NRXN2: variants seen among roughly 807,000 people sequenced by gnomAD.
The protein encoded by NRXN2 is neurexin 2.
A neutral mutation model predicts 128.8 loss-of-function variants in NRXN2; 29 were observed. That is an observed-to-expected ratio of 0.23 (90% confidence interval 0.17 to 0.31). NRXN2 has a LOEUF of 0.31. Among genes scored for constraint, NRXN2 ranks in the 10% least tolerant of loss-of-function variants. NRXN2 has a pLI of 1.00. For missense variants in NRXN2, 1,881 were observed against 2,452.6 expected (o/e 0.77, Z 4.92); for synonymous variants, 1,098 against 1,075.2 (o/e 1.02, Z -0.41).
intron 3 of NRXN2, among the ~76,000 whole-genome samples, chr11:64,695,516 G>A (rs977369270): frequency 6.6e-6 from 1 of 151,964 alleles, no homozygotes; most frequent in Non-Finnish European, 1.5e-5. Context: ...AGAGGAGGCC[G>A]CCAGCCCAGC....
intron 21 of NRXN2, among the ~76,000 whole-genome samples, chr11:64,620,916 G>A (rs1006050985): frequency 6.6e-6 from 1 of 151,594 alleles, no homozygotes; most frequent in Non-Finnish European, 1.5e-5. Flanking sequence ...GACAAGAGAA[G>A]ACTTTGTCAG....
In NRXN2 at chr11:64,660,768, G is replaced by A. The variant is rs765856391; in HGVS notation, c.2170C>T (p.Arg724Trp). 5 of 1,612,372 alleles carry A rather than the reference G, an allele frequency of 3.1e-6. No homozygotes were observed. The highest frequency in any genetic ancestry group is 1.1e-5 in the South Asian group (1 of 91,086). The change falls in exon 10 of 23, where the codon CGG (arginine) becomes TGG (tryptophan). Residue 724 changes from arginine to tryptophan, a missense_variant. Transcript: ENST00000265459. The surrounding 1 kb of genome is among the most constrained non-coding windows in gnomAD (Gnocchi z 5.2). The stretch of plus-strand genomic sequence containing the variant: ...CCAGCCTCACCTCTCTCACAGACCC[G>A]CCCAAGAAAGCCGGTCCCGATGCAG... ...CDCIGTGFLGRVCEREATVLS... is the reference protein window; with the variant it reads ...CDCIGTGFLGWVCEREATVLS...
intron 18 of NRXN2, among the ~76,000 whole-genome samples, chr11:64,633,939 C>T (rs2044309526): frequency 6.6e-6 from 1 of 152,222 alleles, no homozygotes; most frequent in South Asian, 2.1e-4. Flanking sequence ...ACTTCCACCC[C>T]AGCTCTGCTC....
chr11:64,642,713 G>T (rs1268935236), intron 17 of NRXN2: 2 of 1,446,944 alleles, frequency 1.4e-6, no homozygotes, highest in Non-Finnish European at 1.8e-6. Context: ...AGCAGAGGTG[G>T]CGGCGGCGGC....
intron 11 of NRXN2, chr11:64,659,370 T>A (rs1412241982): frequency 2.6e-5 from 4 of 152,314 alleles, no homozygotes; most frequent in Non-Finnish European, 5.9e-5. Context: ...GTGAACCTGC[T>A]GTTTTCTTTT....
chr11:64,698,253 T>C (rs579175), intron 2 of NRXN2, among the ~76,000 whole-genome samples: 9,821 of 152,210 alleles, frequency 0.065, 1,089 homozygotes, highest in African/African-American at 0.22. Flanking sequence ...GACACACTCA[T>C]GCTCAGTGAC....
intron 19 of NRXN2, among the ~76,000 whole-genome samples, chr11:64,627,643 TG>T (rs1565219698): frequency 6.6e-6 from 1 of 152,022 alleles, no homozygotes; most frequent in Non-Finnish European, 1.5e-5. Context: ...GGAAAGGGAA[TG>T]TGTGTGAATG....
In NRXN2 at chr11:64,648,091, A is replaced by C; in HGVS notation, c.3403+128T>G. 7.5e-7 allele frequency: 1 copy of C among 1,337,492 alleles called. No individual in the cohort carries two copies. The highest frequency in any genetic ancestry group is 1.2e-5 in the South Asian group (1 of 81,830). The allele number at this position is 1,337,492 out of a possible 1,614,324, so 82.9% of individuals were successfully genotyped here. On this transcript the variant is annotated intron_variant, in intron 17 of 22. Transcript: ENST00000265459. The surrounding 1 kb of genome is among the most constrained non-coding windows in gnomAD (Gnocchi z 4.1). Reference sequence around the variant, plus strand: ...CAGCTCCCCTGGGACTCTGCAGACAAGGGATGAGAAGGAAGAAGCAGCACA... The same window carrying C: ...CAGCTCCCCTGGGACTCTGCAGACACGGGATGAGAAGGAAGAAGCAGCACA...
rs71579858 is a variant in NRXN2 at position 64,652,163 on chromosome 11, C to T, written c.2417-9G>A. 3 of 1,610,356 alleles carry T rather than the reference C, an allele frequency of 1.9e-6. No individual in the cohort carries two copies. Among genetic ancestry groups the T allele is most frequent in the Non-Finnish European group, 1.7e-6 (2 of 1,179,426 alleles). Reference sequence around the variant, plus strand: ...CGTTTCGGGGCCTTTACCTGCGGCACCAAGGGGGGAATGAGGAGGGCACCT... The same window carrying T: ...CGTTTCGGGGCCTTTACCTGCGGCATCAAGGGGGGAATGAGGAGGGCACCT... On this transcript the variant is annotated splice_polypyrimidine_tract_variant and intron_variant, in intron 12 of 22. Coordinates refer to ENST00000265459, the MANE Select transcript of NRXN2 (RefSeq NM_015080.4).
Position 64,607,911 on chromosome 11 carries a change from C to A in NRXN2, c.4424G>T (p.Gly1475Val). 1 of 1,563,440 alleles carries A rather than the reference C, an allele frequency of 6.4e-7. No homozygotes were observed. Among genetic ancestry groups the A allele is most frequent in the African/African-American group, 1.4e-5 (1 of 73,814 alleles). The change falls in exon 23 of 23, where the codon GGC becomes GTC. Residue 1475 changes from glycine (G) to valine (V), a missense_variant. Physicochemically the swap from Gly to Val is moderately radical, Grantham distance 109. Coordinates refer to ENST00000265459, the MANE Select transcript of NRXN2 (RefSeq NM_015080.4). ...GTCGTCCCGCTCGGCCTGGCACGGGCCCCCAGAGGGCGGGCGGCGCGCGGC... is the reference window on the plus strand; with the variant it reads ...GTCGTCCCGCTCGGCCTGGCACGGGACCCCAGAGGGCGGGCGGCGCGCGGC... ...PPAARRPPSGGPCQAERDDSD... is the reference protein window; with the variant it reads ...PPAARRPPSGVPCQAERDDSD...
chr11:64,642,512 G>C (rs2045855860), intron 17 of NRXN2: 2 of 1,599,280 alleles, frequency 1.3e-6, no homozygotes, highest in African/African-American at 1.4e-5. Flanking sequence ...GGCCAACCGG[G>C]TGGCCGGCAT....
At chr11:64,686,040 C>T in intron 5 of NRXN2, 93 bp from the exon 6 acceptor site, 1 of 1,431,104 alleles carries the variant, frequency 7.0e-7, no homozygotes, top group Non-Finnish European at 9.7e-7. Context: ...AGGCACTGGT[C>T]CTGGGCACCA....
At chr11:64,709,664 A>G (rs1299399286) in intron 2 of NRXN2, among the ~76,000 whole-genome samples, 1 of 152,102 alleles carries the variant, frequency 6.6e-6, no homozygotes, top group Non-Finnish European at 1.5e-5. Context: ...TATTCTCTCA[A>G]TTACTTATTA....
chr11:64,719,164 G>C (rs758890121), intron 1 of NRXN2, among the ~76,000 whole-genome samples: 1 of 152,154 alleles, frequency 6.6e-6, no homozygotes, highest in South Asian at 2.1e-4. Flanking sequence ...GCCTTTTACA[G>C]TTTGCAGTAC....
At chr11:64,642,449 G>T in intron 17 of NRXN2, 8 of 1,486,826 alleles carry the variant, frequency 5.4e-6, no homozygotes, top group Non-Finnish European at 7.1e-6. Flanking sequence ...GCACAGCTGG[G>T]GTGGGGCCCG....
chr11:64,661,251 C>T, intron 9 of NRXN2, 112 bp from the exon 10 acceptor site: 1 of 1,567,136 alleles, frequency 6.4e-7, no homozygotes, highest in Non-Finnish European at 8.6e-7. Flanking sequence ...TTGTGCCCTG[C>T]AGCAGGCTCA....
chr11:64,719,600 G>A (rs1414461267), intron 1 of NRXN2, among the ~76,000 whole-genome samples: 3 of 152,146 alleles, frequency 2.0e-5, no homozygotes, highest in African/African-American at 7.2e-5. Context: ...CATGGAGCTG[G>A]GGAAGCGGGT....
intron 3 of NRXN2, among the ~76,000 whole-genome samples, chr11:64,695,037 G>A (rs1030639816): frequency 6.6e-6 from 1 of 152,188 alleles, no homozygotes; most frequent in Non-Finnish European, 1.5e-5. Context: ...GCTCCCTCAG[G>A]CGTGACAGCA....
At chr11:64,703,930 A>C (rs2055842150) in intron 2 of NRXN2, among the ~76,000 whole-genome samples, 1 of 152,214 alleles carries the variant, frequency 6.6e-6, no homozygotes, top group South Asian at 2.1e-4. Context: ...TAACTGCCCA[A>C]GTTCACACGG....
Sources: gnomAD v4.1 joint callset for allele counts (sites outside exome capture counted in the v4.1 genomes callset) on GRCh38, gnomAD v4.1.1 for gene constraint, Gnocchi (gnomAD v3.1) non-coding constraint, MANE v1.5 for transcripts, NCBI Gene and HGNC (gene_info 2026-07-23, HGNC 2026-07-21) for gene names.